The following MACROD2 variants were observed in gnomAD, a reference collection of about 807,000 sequenced individuals.
The protein encoded by MACROD2 is ADP-ribose glycohydrolase MACROD2.
Under a neutral mutation model 70.4 loss-of-function variants are expected in MACROD2, and 36 were observed. The observed-to-expected ratio is 0.51, with a 90% CI of 0.39 to 0.68. MACROD2 has a LOEUF of 0.68. Among genes scored for constraint, MACROD2 ranks in the 30% least tolerant of loss-of-function variants. The pLI, the probability that MACROD2 is intolerant of heterozygous loss-of-function variation, is 0.00. For missense variants in MACROD2, 496 were observed against 538.4 expected (o/e 0.92, Z 0.78); for synonymous variants, 172 against 178.8 (o/e 0.96, Z 0.30).
intron 4 of MACROD2, among the ~76,000 whole-genome samples, chr20:14,515,469 A>ACACACACGCGCG (rs1568648864): frequency 7.0e-6 from 1 of 143,656 alleles, no homozygotes; most frequent in Admixed American, 6.9e-5. Context: ...ACACACGCAC[A>ACACACACGCGCG]CACACACACA....
chr20:14,347,990 G>A (rs1267404710), intron 3 of MACROD2, among the ~76,000 whole-genome samples: 1 of 152,078 alleles, frequency 6.6e-6, no homozygotes, highest in Non-Finnish European at 1.5e-5. Context: ...AGCCAGGCAC[G>A]GTGGCTTACA....
intron 8 of MACROD2, among the ~76,000 whole-genome samples, chr20:15,557,561 A>G (rs2146599647): frequency 6.6e-6 from 1 of 152,290 alleles, no homozygotes; most frequent in East Asian, 1.9e-4. Context: ...CCCAAACCAG[A>G]GCTTTAAAAA....
At chr20:14,593,318 C>T (rs571067865) in intron 4 of MACROD2, among the ~76,000 whole-genome samples, 1 of 152,138 alleles carries the variant, frequency 6.6e-6, no homozygotes, top group Admixed American at 6.5e-5. Context: ...TGTATCTGTG[C>T]AAGTAACATT....
chr20:14,018,942 A>G (rs1168558375), intron 2 of MACROD2, among the ~76,000 whole-genome samples: 3 of 152,222 alleles, frequency 2.0e-5, no homozygotes, highest in Non-Finnish European at 4.4e-5. Flanking sequence ...GACAGGTTTT[A>G]TAGGCAGAGT....
At chr20:15,564,282 C>T (rs1214171795) in intron 8 of MACROD2, among the ~76,000 whole-genome samples, 4 of 152,124 alleles carry the variant, frequency 2.6e-5, no homozygotes, top group African/African-American at 4.8e-5. Flanking sequence ...CTATGCTACC[C>T]GACGTAACAC....
At chr20:15,396,578 G>A (rs2146301288) in intron 6 of MACROD2, among the ~76,000 whole-genome samples, 1 of 152,344 alleles carries the variant, frequency 6.6e-6, no homozygotes, top group Middle Eastern at 3.4e-3. Context: ...CCAGGGCTCA[G>A]AGAGCGTTTT....
chr20:15,627,280 G>A (rs954571626), intron 8 of MACROD2, among the ~76,000 whole-genome samples: 3 of 149,970 alleles, frequency 2.0e-5, no homozygotes, highest in Non-Finnish European at 3.0e-5. Flanking sequence ...CCTTAAATAT[G>A]CTGAGTATTA....
intron 7 of MACROD2, among the ~76,000 whole-genome samples, chr20:15,459,847 C>G (rs1272082140): frequency 6.6e-6 from 1 of 151,730 alleles, no homozygotes; most frequent in African/African-American, 2.4e-5. Flanking sequence ...ATTATTGCAC[C>G]AAATTTTCTT....
At chr20:15,240,079 T>A (rs943029010) in intron 6 of MACROD2, among the ~76,000 whole-genome samples, 15 of 152,198 alleles carry the variant, frequency 9.9e-5, no homozygotes, top group African/African-American at 3.6e-4. Context: ...GAGACTATAA[T>A]GAGTATCACC....
chr20:14,519,367 G>C (rs1344820128), intron 4 of MACROD2, among the ~76,000 whole-genome samples: 1 of 152,044 alleles, frequency 6.6e-6, no homozygotes, highest in Non-Finnish European at 1.5e-5. Flanking sequence ...AGGGTTTTTA[G>C]AACCTAGAAC....
intron 8 of MACROD2, among the ~76,000 whole-genome samples, chr20:15,651,749 A>C (rs2049647714): frequency 6.6e-6 from 1 of 151,924 alleles, no homozygotes; most frequent in South Asian, 2.1e-4. Context: ...ATATGTGCTC[A>C]CCCCCATGTG....
intron 12 of MACROD2, among the ~76,000 whole-genome samples, chr20:15,966,892 T>C (rs1048798674): frequency 6.6e-6 from 1 of 152,226 alleles, no homozygotes; most frequent in Non-Finnish European, 1.5e-5. Context: ...AGGAGCCCTT[T>C]GTAGTTTTGC....
chr20:15,782,717 C>CAAAAAAAAAAAAA lies in MACROD2; in HGVS notation c.646-80018_646-80006dup, dbSNP rs11472322. ...GAGACATATGCAGATAGAGAAATGG[C>CAAAAAAAAAAAAA]AAAAAAAAAAAAAAAAAAAAAAGTT... On this transcript the variant is annotated intron_variant, in intron 8 of 17. Transcript: ENST00000684519. Among the ~76,000 whole-genome samples, 640 of 83,242 alleles carry CAAAAAAAAAAAAA rather than the reference C, an allele frequency of 7.7e-3. 31 individuals are homozygous for CAAAAAAAAAAAAA. The highest frequency in any genetic ancestry group is 0.011 in the Middle Eastern group (1 of 92). The allele number at this position is 83,242 out of a possible 152,430, so 54.6% of individuals were successfully genotyped here.
At chr20:15,441,977 A>G (rs1414274441) in intron 7 of MACROD2, among the ~76,000 whole-genome samples, 3 of 152,178 alleles carry the variant, frequency 2.0e-5, no homozygotes, top group African/African-American at 7.2e-5. Flanking sequence ...AGCTCCTTCT[A>G]AAGAACTGTT....
chr20:15,477,717 C>T lies in MACROD2; in HGVS notation c.572-22057C>T, dbSNP rs141113854. Among the ~76,000 whole-genome samples, 28 of 152,264 alleles carry T rather than the reference C, an allele frequency of 1.8e-4. No individual in the cohort carries two copies. The East Asian group carries it at 5.2e-3, about 28-fold the overall frequency. ...AGGTCCGCGTCCTAGTTCACAGAAC[C>T]TATGAATATGTTTCCTTGCATGGCA... On this transcript the variant is annotated intron_variant, in intron 7 of 17. Coordinates refer to ENST00000684519, the MANE Select transcript of MACROD2 (RefSeq NM_001351661.2).
At chr20:15,630,198 T>C (rs2049268063) in intron 8 of MACROD2, among the ~76,000 whole-genome samples, 2 of 152,174 alleles carry the variant, frequency 1.3e-5, no homozygotes, top group South Asian at 2.1e-4. Flanking sequence ...GTTTGACATA[T>C]AGTGATCTTC....
At position 16,051,552 on chromosome 20, in the gene MACROD2, A is replaced by T. The variant is rs1358179425; in HGVS notation, c.*1676A>T. On this transcript the variant is annotated 3_prime_UTR_variant, in exon 18 of 18. Transcript: ENST00000684519. ...CATTTACGTGACCTCATAATGTGGGATTATGGCCTTCTGTTGCTATTCCAG... is the reference window on the plus strand; with the variant it reads ...CATTTACGTGACCTCATAATGTGGGTTTATGGCCTTCTGTTGCTATTCCAG... The T allele has an allele frequency of 6.6e-6, 1 of 152,182 alleles. No homozygotes were observed. Among genetic ancestry groups the T allele is most frequent in the Admixed American group, 6.5e-5 (1 of 15,278 alleles). The allele number at this position is 152,182 out of a possible 1,614,324, so 9.4% of individuals were successfully genotyped here.
chr20:14,896,111 A>G (rs1379486203), intron 5 of MACROD2, among the ~76,000 whole-genome samples: 4 of 152,174 alleles, frequency 2.6e-5, no homozygotes, highest in Admixed American at 2.6e-4. Flanking sequence ...CCTGGCCAAC[A>G]TGGTGAAACC....
intron 4 of MACROD2, among the ~76,000 whole-genome samples, chr20:14,672,432 A>T (rs537580779): frequency 6.6e-6 from 1 of 152,318 alleles, no homozygotes; most frequent in Admixed American, 6.5e-5. Context: ...CTATTGACCA[A>T]AGCAAGTCAT....
Sources: gnomAD v4.1 joint callset for allele counts (sites outside exome capture counted in the v4.1 genomes callset) on GRCh38, gnomAD v4.1.1 for gene constraint, MANE v1.5 for transcripts, NCBI Gene and HGNC (gene_info 2026-07-23, HGNC 2026-07-21) for gene names.